The following GAS7 variants were observed in gnomAD, a reference collection of about 807,000 sequenced individuals.
GAS7 encodes the protein growth arrest specific 7, also known as growth arrest-specific protein 7.
GAS7 carries 28 observed loss-of-function variants against 71.1 expected under a neutral mutation model. The ratio of observed to expected loss-of-function variants is 0.39; its 90% CI spans 0.29 to 0.54. GAS7 has a LOEUF of 0.54. Among genes scored for constraint, GAS7 ranks in the 20% least tolerant of loss-of-function variants. The probability of loss-of-function intolerance (pLI) is 0.62; values close to 1 mark genes in which losing one functional copy is unlikely to be tolerated. For missense variants in GAS7, 436 were observed against 627.8 expected, an observed-to-expected ratio of 0.69 and a Z score of 3.27; for synonymous variants, 258 against 245.8, an observed-to-expected ratio of 1.05 and a Z score of -0.46.
At chr17:10,144,508 T>G (rs1291103653) in intron 1 of GAS7, among the ~76,000 whole-genome samples, 2 of 152,166 alleles carry the variant, frequency 1.3e-5, no homozygotes, top group Non-Finnish European at 2.9e-5. Context: ...ATCTGGTAAA[T>G]TATTACACAA....
chr17:10,126,376 C>A (rs72809365), intron 1 of GAS7, among the ~76,000 whole-genome samples: 27 of 49,624 alleles, frequency 5.4e-4, no homozygotes, highest in South Asian at 4.1e-3. Flanking sequence ...GCACACACAC[C>A]CACACACTCA....
Position 10,169,277 on chromosome 17 carries a change from AT to A in GAS7, c.183+28930del, listed in dbSNP as rs199899138. Among the ~76,000 whole-genome samples the A allele has an allele frequency of 2.6e-4, 39 of 151,740 alleles. No individual in the cohort carries two copies. The East Asian group carries it at 4.6e-3, about 18-fold the overall frequency. ...GCAAGACTTCGACTCAAAAAAAAAA[AT>A]TAATTAATAATTTTAAAAGTTCACA... On this transcript the variant is annotated intron_variant, in intron 1 of 13. Transcript: ENST00000432992.
chr17:10,020,049 C>T (rs756812262), intron 1 of GAS7, 152 bp from the exon 2 acceptor site: 10 of 682,402 alleles, frequency 1.5e-5, no homozygotes, highest in Non-Finnish European at 2.3e-5. Context: ...GCAGCACACA[C>T]GTGACCTCCG....
chr17:10,028,026 GGCAT>G (rs1461809331), intron 1 of GAS7, among the ~76,000 whole-genome samples: 1 of 152,150 alleles, frequency 6.6e-6, no homozygotes, highest in Non-Finnish European at 1.5e-5. Flanking sequence ...TGGGATTACA[GGCAT>G]GCACCACCAC....
chr17:10,099,469 T>C (rs2073677506), intron 1 of GAS7, among the ~76,000 whole-genome samples: 1 of 152,214 alleles, frequency 6.6e-6, no homozygotes, highest in Admixed American at 6.5e-5. Context: ...GAGCAGCATC[T>C]TTCCACCGCC....
intron 4 of GAS7, among the ~76,000 whole-genome samples, chr17:9,964,071 G>C (rs372281767): frequency 6.6e-6 from 1 of 152,106 alleles, no homozygotes; most frequent in Non-Finnish European, 1.5e-5. Flanking sequence ...GTTTGCAAAT[G>C]CCTATAATAA....
chr17:10,017,548 G>A (rs1425857577), intron 2 of GAS7, among the ~76,000 whole-genome samples: 1 of 152,006 alleles, frequency 6.6e-6, no homozygotes, highest in Non-Finnish European at 1.5e-5. Flanking sequence ...AGGCTTGTCT[G>A]GAACTCCTGA....
chr17:10,010,158 T>G (rs976258788), intron 2 of GAS7, among the ~76,000 whole-genome samples: 1 of 151,934 alleles, frequency 6.6e-6, no homozygotes, highest in Non-Finnish European at 1.5e-5. Context: ...TTTTTTTTTC[T>G]TTCTTTTTTG....
intron 2 of GAS7, among the ~76,000 whole-genome samples, chr17:9,992,715 T>A (rs1325841147): frequency 6.6e-6 from 1 of 151,864 alleles, no homozygotes; most frequent in Non-Finnish European, 1.5e-5. Context: ...CAACTCATCA[T>A]CTAGCATTAG....
At chr17:10,089,986 G>A (rs768017366) in intron 1 of GAS7, among the ~76,000 whole-genome samples, 8 of 152,100 alleles carry the variant, frequency 5.3e-5, no homozygotes, top group Non-Finnish European at 1.2e-4. Context: ...CGGCCAACAT[G>A]GTGAAACCCT....
chr17:10,157,911 G>T (rs1180387089), intron 1 of GAS7, among the ~76,000 whole-genome samples: 4 of 152,222 alleles, frequency 2.6e-5, no homozygotes, highest in Non-Finnish European at 5.9e-5. Flanking sequence ...AGGAGGCTGG[G>T]ATGGGAGGAT....
chr17:10,175,883 G>C (rs536777014), intron 1 of GAS7, among the ~76,000 whole-genome samples: 2 of 152,138 alleles, frequency 1.3e-5, no homozygotes, highest in Non-Finnish European at 2.9e-5. Context: ...CTTCAAATAC[G>C]AGTGGGGAGT....
At chr17:10,108,837 A>T (rs1219421218) in intron 1 of GAS7, among the ~76,000 whole-genome samples, 1 of 152,204 alleles carries the variant, frequency 6.6e-6, no homozygotes, top group East Asian at 1.9e-4. Context: ...TCAACTCAAG[A>T]TGGATTAAAG....
At chr17:10,100,617 A>C (rs767379993) in intron 1 of GAS7, among the ~76,000 whole-genome samples, 1 of 148,666 alleles carries the variant, frequency 6.7e-6, no homozygotes, top group Non-Finnish European at 1.5e-5. Context: ...TTCTCAGCCC[A>C]GGTGGTGAGG....
chr17:9,916,598 C>G lies in GAS7; in HGVS notation c.*630G>C. On this transcript the variant is annotated 3_prime_UTR_variant, in exon 14 of 14. Coordinates refer to ENST00000432992, the MANE Select transcript of GAS7 (RefSeq NM_201433.2). The stretch of plus-strand genomic sequence containing the variant: ...GGCTAATTTGCCGAATGAGGTAGTT[C>G]CATCCTGACCTCTCCAGGCATGGTG... 3.7e-6 allele frequency: 1 copy of G among 267,118 alleles called. No homozygotes were observed. 16.5% of individuals were successfully genotyped at this position (267,118 alleles called of 1,614,324 possible).
intron 1 of GAS7, among the ~76,000 whole-genome samples, chr17:10,164,298 G>A (rs917617777): frequency 2.6e-5 from 4 of 151,828 alleles, no homozygotes; most frequent in African/African-American, 9.7e-5. Context: ...AAAAATTAGC[G>A]GGGCTTGGTG....
intron 1 of GAS7, among the ~76,000 whole-genome samples, chr17:10,071,138 C>T (rs558822954): frequency 1.3e-5 from 2 of 151,534 alleles, no homozygotes; most frequent in Admixed American, 1.3e-4. Flanking sequence ...GGGGTGTTCC[C>T]AGCCAGCAGG....
chr17:10,052,607 C>T lies in GAS7; in HGVS notation c.184-32710G>A, dbSNP rs1014777013. On this transcript the variant is annotated intron_variant, in intron 1 of 13. Coordinates refer to ENST00000432992, the MANE Select transcript of GAS7 (RefSeq NM_201433.2). Reference sequence around the variant, plus strand: ...GGGAGTCCCAGAAGGCACCCCCTGCCCACCCATGCAAAGCAAGTAAGCGGC... The same window carrying T: ...GGGAGTCCCAGAAGGCACCCCCTGCTCACCCATGCAAAGCAAGTAAGCGGC... 2.0e-5 allele frequency among the ~76,000 whole-genome samples: 3 copies of T among 152,184 alleles called. No individual in the cohort carries two copies. In the South Asian group the frequency reaches 6.2e-4, roughly 32 times the overall value.
At position 9,917,143 on chromosome 17, in the gene GAS7, TG is replaced by T; in HGVS notation, c.*84del. 3.5e-6 allele frequency: 3 copies of T among 857,448 alleles called. No homozygotes were observed. The highest frequency in any genetic ancestry group is 6.0e-6 in the Non-Finnish European group (3 of 495,952). 53.1% of individuals were successfully genotyped at this position (857,448 alleles called of 1,614,324 possible). ...CTCCTCAGTGGCCCAGGAGAGAGGGTGGGGGGCATCCACTCGGCATGGGCCC... is the reference window on the plus strand; with the variant it reads ...CTCCTCAGTGGCCCAGGAGAGAGGGTGGGGGCATCCACTCGGCATGGGCCC... On this transcript the variant is annotated 3_prime_UTR_variant, in exon 14 of 14. Coordinates refer to ENST00000432992, the MANE Select transcript of GAS7 (RefSeq NM_201433.2).
Sources: gnomAD v4.1 joint callset for allele counts (sites outside exome capture counted in the v4.1 genomes callset) on GRCh38, gnomAD v4.1.1 for gene constraint, MANE v1.5 for transcripts, NCBI Gene and HGNC (gene_info 2026-07-23, HGNC 2026-07-21) for gene names.